The following C19orf12 variants were observed in gnomAD, a reference collection of about 807,000 sequenced individuals.
C19orf12 encodes chromosome 19 open reading frame 12.
In C19orf12, 2 loss-of-function variants were observed where a neutral mutation model predicts 3.8. That is an observed-to-expected ratio of 0.53 (90% CI 0.22 to 1.66). The LOEUF (loss-of-function observed/expected upper bound fraction) is 1.66, where lower values mean the gene tolerates loss of function less well. Among genes scored for constraint, C19orf12 ranks in the 40% most tolerant of loss-of-function variants. The pLI, the probability that C19orf12 is intolerant of heterozygous loss-of-function variation, is 0.20. For synonymous variants in C19orf12, 89 were observed against 84.6 expected (o/e 1.05, Z -0.28); for missense variants, 156 against 188.8 (o/e 0.83, Z 1.02).
chr19:29,715,736 G>A (rs1258139511), upstream of C19orf12: 1 of 156,512 alleles, frequency 6.4e-6, no homozygotes, highest in Non-Finnish European at 1.4e-5. Context: ...CTGTTCCAGA[G>A]CCTGCTCTGG....
intron 2 of C19orf12, chr19:29,705,234 C>A (rs971372284): frequency 8.6e-5 from 34 of 396,384 alleles, no homozygotes; most frequent in South Asian, 1.5e-4. Flanking sequence ...ATCCTAAACA[C>A]AACTGGCAAA....
At position 29,703,525 on chromosome 19, in the gene C19orf12, C is replaced by T. The variant is rs112744950; in HGVS notation, c.161-548G>A. Among the ~76,000 whole-genome samples, 1,469 of 151,614 alleles carry T rather than the reference C, an allele frequency of 9.7e-3. 25 individuals are homozygous for T. The highest frequency in any genetic ancestry group is 0.034 in the African/African-American group (1,404 of 41,396). On this transcript the variant is annotated intron_variant, in intron 2 of 2. Coordinates refer to ENST00000323670, the MANE Select transcript of C19orf12 (RefSeq NM_031448.6). ...CCTCCCAAGTAGCTGGGATTACAGG[C>T]GCACACCACCACACCTGGCTAATTT...
rs574975743 is a variant in C19orf12, at chr19:29,702,894, G to T, written c.244C>A (p.Pro82Thr). 75 of 1,614,196 alleles carry T rather than the reference G, an allele frequency of 4.6e-5. 1 individual carries two copies. The South Asian group carries it at 8.0e-4, about 17-fold the overall frequency. The change falls in exon 3 of 3, where the codon CCT (proline) becomes ACT (threonine). Residue 82 changes from proline to threonine, a missense_variant. By Grantham distance (38) the Pro-to-Thr change is conservative. Coordinates refer to ENST00000323670, the MANE Select transcript of C19orf12 (RefSeq NM_031448.6). ...PVPQILMELP[P>T]AEQQRLFNEA... ...TTAAAGAGCCTCTGTTGCTCGGCAG[G>T]GGGCAGCTCCATTAGGATCTGAGGA...
chr19:29,700,369 G>A lies in C19orf12; in HGVS notation c.*2343C>T, dbSNP rs1235662899. 2 of 454,142 alleles carry A rather than the reference G, an allele frequency of 4.4e-6. No homozygotes were observed. Among genetic ancestry groups the A allele is most frequent in the Non-Finnish European group, 8.8e-6 (2 of 226,802 alleles). 28.1% of individuals were successfully genotyped at this position (454,142 alleles called of 1,614,324 possible). On this transcript the variant is annotated 3_prime_UTR_variant, in exon 3 of 3. Transcript: ENST00000323670. ...AAGCACTGAACCAAACATCTTTGTT[G>A]AGGTTTCATTCTCACGATATCTGCA...
At chr19:29,710,944 G>A (rs1324965313) in intron 1 of C19orf12, among the ~76,000 whole-genome samples, 2 of 151,834 alleles carry the variant, frequency 1.3e-5, no homozygotes, top group Non-Finnish European at 2.9e-5. Flanking sequence ...GGGAGACGGA[G>A]CGCAGAACCT....
At chr19:29,703,631 G>A (rs973260134) in intron 2 of C19orf12, among the ~76,000 whole-genome samples, 4 of 151,792 alleles carry the variant, frequency 2.6e-5, no homozygotes, top group African/African-American at 9.7e-5. Context: ...CGCCTACCTC[G>A]GCCCCGCAAA....
chr19:29,701,772 C>T lies in C19orf12; in HGVS notation c.*940G>A, dbSNP rs1271288863. 9 of 450,656 alleles carry T rather than the reference C, an allele frequency of 2.0e-5. No homozygotes were observed. The highest frequency in any genetic ancestry group is 1.4e-4 in the Admixed American group (6 of 42,416). The allele number at this position is 450,656 out of a possible 1,614,324, so 27.9% of individuals were successfully genotyped here. On this transcript the variant is annotated 3_prime_UTR_variant, in exon 3 of 3. Coordinates refer to ENST00000323670, the MANE Select transcript of C19orf12 (RefSeq NM_031448.6). ...GCACCATTTTCCAACAGCATGTGCT[C>T]ACTTTGCGTTTCTGTGTCAGCATTT... is the stretch of plus-strand genomic sequence containing the variant.
At chr19:29,714,592 T>C (rs1347195081) in intron 1 of C19orf12, among the ~76,000 whole-genome samples, 2 of 152,136 alleles carry the variant, frequency 1.3e-5, no homozygotes, top group Non-Finnish European at 2.9e-5. Context: ...GCCCAGATTT[T>C]CTTCCCATAT....
rs1225729723 is a variant in C19orf12 at position 29,701,031 on chromosome 19, A to G, written c.*1681T>C. 2.2e-6 allele frequency: 1 copy of G among 454,164 alleles called. No homozygotes were observed. Among genetic ancestry groups the G allele is most frequent in the Non-Finnish European group, 4.4e-6 (1 of 226,796 alleles). The allele number at this position is 454,164 out of a possible 1,614,324, so 28.1% of individuals were successfully genotyped here. On this transcript the variant is annotated 3_prime_UTR_variant, in exon 3 of 3. Coordinates refer to ENST00000323670, the MANE Select transcript of C19orf12 (RefSeq NM_031448.6). ...TTTGGCCTCCAAAAGTGCCGACATT[A>G]CAAGCATGAGCCACCTCACCTGACC...
At chr19:29,715,496 C>A (rs560470404), upstream of C19orf12, 1 of 340,342 alleles carries the variant, frequency 2.9e-6, no homozygotes, top group Non-Finnish European at 6.1e-6. Flanking sequence ...CGCAAGGCCG[C>A]GCTCCCGCAG....
chr19:29,699,610 A>T lies in C19orf12; in HGVS notation c.*3102T>A, dbSNP rs569830445. On this transcript the variant is annotated 3_prime_UTR_variant, in exon 3 of 3. Transcript: ENST00000323670. Reference sequence around the variant, plus strand: ...TTGTGAAATTTGTAGTTTTTATTTCATTATATTTTCTGGGTTTTTCTAGGT... The same window carrying T: ...TTGTGAAATTTGTAGTTTTTATTTCTTTATATTTTCTGGGTTTTTCTAGGT... 23 of 365,062 alleles carry T rather than the reference A, an allele frequency of 6.3e-5. No homozygotes were observed. Among genetic ancestry groups the T allele is most frequent in the Non-Finnish European group, 1.1e-4 (20 of 186,934 alleles). 22.6% of individuals were successfully genotyped at this position (365,062 alleles called of 1,614,324 possible). A position where few individuals can be genotyped will look rare whatever the true frequency, so the allele number is the denominator to read the frequency against.
rs759412954 is a variant in C19orf12 at position 29,700,613 on chromosome 19, C to T, written c.*2099G>A. ...CCTCCTTCCCACCCCTGCCCTGTCC[C>T]CCATCAACTTAAGTGGCATATAAAT... On this transcript the variant is annotated 3_prime_UTR_variant, in exon 3 of 3. Coordinates refer to ENST00000323670, the MANE Select transcript of C19orf12 (RefSeq NM_031448.6). 7 of 454,086 alleles carry T rather than the reference C, an allele frequency of 1.5e-5. No individual in the cohort carries two copies. The highest frequency in any genetic ancestry group is 1.2e-4 in the Admixed American group (5 of 42,556). The allele number at this position is 454,086 out of a possible 1,614,324, so 28.1% of individuals were successfully genotyped here. A position where few individuals can be genotyped will look rare whatever the true frequency, so the allele number is the denominator to read the frequency against.
chr19:29,715,453 G>T, upstream of C19orf12: 1 of 401,916 alleles, frequency 2.5e-6, no homozygotes, highest in Non-Finnish European at 5.0e-6. Flanking sequence ...GTGGCGTAAG[G>T]AGACGAGGCG....
Position 29,701,866 on chromosome 19 carries a change from G to A in C19orf12, c.*846C>T, listed in dbSNP as rs2145617849. ...ACATAATGCTATTGCACATTTAGTG[G>A]ACTGCAATATGCAGTAAACATGACT... is the stretch of plus-strand genomic sequence containing the variant. On this transcript the variant is annotated 3_prime_UTR_variant, in exon 3 of 3. Coordinates refer to ENST00000323670, the MANE Select transcript of C19orf12 (RefSeq NM_031448.6). 2.2e-6 allele frequency: 1 copy of A among 454,102 alleles called. No homozygotes were observed. Among genetic ancestry groups the A allele is most frequent in the South Asian group, 1.6e-5 (1 of 64,470 alleles). 28.1% of individuals were successfully genotyped at this position (454,102 alleles called of 1,614,324 possible).
At chr19:29,703,107 C>T in intron 2 of C19orf12, 130 bp from the exon 3 acceptor site, 1 of 1,235,818 alleles carries the variant, frequency 8.1e-7, no homozygotes, top group Non-Finnish European at 1.2e-6. Context: ...GCGGGCTCAG[C>T]CGGTGCCACG....
chr19:29,699,165 C>T lies in C19orf12; in HGVS notation c.*3547G>A, dbSNP rs756197130. 4.4e-6 allele frequency: 2 copies of T among 453,876 alleles called. No homozygotes were observed. The highest frequency in any genetic ancestry group is 1.6e-5 in the South Asian group (1 of 64,466). 28.1% of individuals were successfully genotyped at this position (453,876 alleles called of 1,614,324 possible). A position where few individuals can be genotyped will look rare whatever the true frequency, so the allele number is the denominator to read the frequency against. ...GGCATATAGGATAAGAAGGCAAGTA[C>T]GTTAGAAATATACATACATAGGCCG... On this transcript the variant is annotated 3_prime_UTR_variant, in exon 3 of 3. Transcript: ENST00000323670.
chr19:29,704,567 G>A (rs1179471900), intron 2 of C19orf12, among the ~76,000 whole-genome samples: 3 of 152,244 alleles, frequency 2.0e-5, no homozygotes, highest in South Asian at 2.1e-4. Flanking sequence ...TCATTGCCAA[G>A]GCTATGTCAT....
At chr19:29,715,276 T>C, upstream of C19orf12, 1 of 401,418 alleles carries the variant, frequency 2.5e-6, no homozygotes, top group South Asian at 1.8e-5. Context: ...CCGCCCTCCG[T>C]CCCACCTTCC....
At position 29,699,435 on chromosome 19, in the gene C19orf12, A is replaced by G; in HGVS notation, c.*3277T>C. ...GAGGCAGAGCTTGCAGTGAACCAAG[A>G]TCGCGCTACTGCACTCCAGCCCGGG... On this transcript the variant is annotated 3_prime_UTR_variant, in exon 3 of 3. Transcript: ENST00000323670. 2.5e-6 allele frequency: 1 copy of G among 404,334 alleles called. No homozygotes were observed. The highest frequency in any genetic ancestry group is 1.9e-5 in the South Asian group (1 of 53,908). 25.0% of individuals were successfully genotyped at this position (404,334 alleles called of 1,614,324 possible). A position where few individuals can be genotyped will look rare whatever the true frequency, so the allele number is the denominator to read the frequency against.
Sources: gnomAD v4.1 joint callset for allele counts (sites outside exome capture counted in the v4.1 genomes callset) on GRCh38, gnomAD v4.1.1 for gene constraint, MANE v1.5 for transcripts, NCBI Gene and HGNC (gene_info 2026-07-23, HGNC 2026-07-21) for gene names.